Variants in DHRSX observed in about 807,000 individuals in gnomAD.
DHRSX encodes the protein dehydrogenase/reductase X-linked.
DHRSX carries 31 observed loss-of-function variants against 34.0 expected under a neutral mutation model. The ratio of observed to expected loss-of-function variants is 0.91; its 90% CI spans 0.69 to 1.23. The LOEUF (loss-of-function observed/expected upper bound fraction) is 1.23. Ranked by LOEUF, DHRSX falls within the 50% of genes most tolerant of loss-of-function variation. The pLI is 0.00. For missense variants in DHRSX, 414 were observed against 428.1 expected (o/e 0.97, Z 0.29); for synonymous variants, 201 against 183.8 (o/e 1.09, Z -0.76).
At chrX:2,243,366 C>G in intron 5 of DHRSX, 136 bp from the exon 6 acceptor site, 1 of 689,706 alleles carries the variant, frequency 1.4e-6, no homozygotes, top group South Asian at 2.0e-5. Flanking sequence ...TGTGATCATG[C>G]CATCTGTTGG....
At chrX:2,231,611 TCTC>T (rs372862702) in intron 6 of DHRSX, among the ~76,000 whole-genome samples, 120,712 of 144,052 alleles carry the variant, frequency 0.84, 50,951 homozygotes, top group East Asian at 0.94. Context: ...TTTCCCTTAT[TCTC>T]CTTTCCCATC....
chrX:2,409,776 C>A (rs919290244), intron 2 of DHRSX, among the ~76,000 whole-genome samples: 1 of 151,784 alleles, frequency 6.6e-6, no homozygotes, highest in African/African-American at 2.4e-5. Context: ...GTTGCCCAGG[C>A]TGGAGTGCAG....
At chrX:2,241,247 T>C (rs983906625) in intron 6 of DHRSX, among the ~76,000 whole-genome samples, 2 of 152,020 alleles carry the variant, frequency 1.3e-5, no homozygotes, top group African/African-American at 4.8e-5. Flanking sequence ...GCTTAAGAAG[T>C]TAATGCATCA....
chrX:2,330,244 C>T (rs2042448709), intron 3 of DHRSX, among the ~76,000 whole-genome samples: 2 of 150,880 alleles, frequency 1.3e-5, no homozygotes, highest in Non-Finnish European at 3.0e-5. Flanking sequence ...TAGAAGGGGC[C>T]AGGTGCGGTG....
At chrX:2,431,545 T>G (rs2043922956) in intron 1 of DHRSX, among the ~76,000 whole-genome samples, 1 of 152,056 alleles carries the variant, frequency 6.6e-6, no homozygotes, top group Non-Finnish European at 1.5e-5. Flanking sequence ...GAAGACATGG[T>G]GCATCTATAC....
chrX:2,357,609 G>A (rs1369539028), intron 3 of DHRSX, among the ~76,000 whole-genome samples: 1 of 150,590 alleles, frequency 6.6e-6, no homozygotes, highest in African/African-American at 2.4e-5. Context: ...AAGAGCTACA[G>A]AGTCCTGAAT....
intron 4 of DHRSX, among the ~76,000 whole-genome samples, chrX:2,282,434 G>T (rs1245956174): frequency 6.7e-6 from 1 of 149,206 alleles, no homozygotes; most frequent in East Asian, 2.0e-4. Flanking sequence ...GAAGGCAAAG[G>T]AGAGAGGAGG....
intron 3 of DHRSX, among the ~76,000 whole-genome samples, chrX:2,341,129 G>T (rs186388294): frequency 3.4e-4 from 51 of 152,106 alleles, no homozygotes; most frequent in African/African-American, 1.2e-3. Flanking sequence ...TTTCCTCAGA[G>T]GACTGGTTTT....
Position 2,363,613 on chromosome X carries a change from A to AT in DHRSX, c.286+45131dup, listed in dbSNP as rs1465005756. ...CACTGTTCTATGGTATCATGCCTCCATTTTATCACTGTTCTATGGTATCAT... is the reference window on the plus strand; with the variant it reads ...CACTGTTCTATGGTATCATGCCTCCATTTTTATCACTGTTCTATGGTATCAT... On this transcript the variant is annotated intron_variant, in intron 3 of 6. Transcript: ENST00000334651. Among the ~76,000 whole-genome samples the AT allele has an allele frequency of 2.1e-5, 3 of 145,696 alleles. No individual in the cohort carries two copies. The East Asian group carries it at 6.7e-4, about 32-fold the overall frequency.
chrX:2,266,982 G>A (rs1237713314), intron 4 of DHRSX, 35 bp from the exon 5 acceptor site: 3 of 1,604,300 alleles, frequency 1.9e-6, no homozygotes, highest in South Asian at 2.2e-5. Flanking sequence ...GAGTTAGACT[G>A]GGGAAGACAG....
chrX:2,406,744 T>C (rs1757492355), intron 3 of DHRSX, among the ~76,000 whole-genome samples: 1 of 152,150 alleles, frequency 6.6e-6, no homozygotes, highest in East Asian at 1.9e-4. Context: ...CTGGCCAGAA[T>C]GATGATTTCT....
At chrX:2,356,862 A>G (rs2096396989) in intron 3 of DHRSX, among the ~76,000 whole-genome samples, 1 of 152,214 alleles carries the variant, frequency 6.6e-6, no homozygotes, top group Non-Finnish European at 1.5e-5. Context: ...AACATAGAAA[A>G]TATGAATGAG....
At chrX:2,382,809 G>A (rs867410241) in intron 3 of DHRSX, among the ~76,000 whole-genome samples, 3,118 of 22,906 alleles carry the variant, frequency 0.14, 1 homozygote, top group Middle Eastern at 0.27. Flanking sequence ...CACCATCACC[G>A]TCATCACCAC....
intron 1 of DHRSX, among the ~76,000 whole-genome samples, chrX:2,468,127 A>G (rs1042594240): frequency 3.9e-5 from 6 of 152,098 alleles, no homozygotes; most frequent in Non-Finnish European, 7.4e-5. Context: ...TCACACTAGA[A>G]GTCTCTGATG....
In DHRSX at chrX:2,314,458, G is replaced by A. The variant is rs760384363; in HGVS notation, c.287-22855C>T. Among the ~76,000 whole-genome samples the A allele has an allele frequency of 1.6e-3, 169 of 107,738 alleles. 7 individuals carry two copies. Among genetic ancestry groups the A allele is most frequent in the Admixed American group, 5.4e-3 (66 of 12,210 alleles). 70.7% of individuals were successfully genotyped at this position (107,738 alleles called of 152,430 possible). A position where few individuals can be genotyped will look rare whatever the true frequency, so the allele number is the denominator to read the frequency against. ...GGGAGGAAGGAAGGGGAGAAGGGAGGAAGGAAGGGGAGAAGGAAGGAAGGA... is the reference window on the plus strand; with the variant it reads ...GGGAGGAAGGAAGGGGAGAAGGGAGAAAGGAAGGGGAGAAGGAAGGAAGGA... On this transcript the variant is annotated intron_variant, in intron 3 of 6. Transcript: ENST00000334651.
rs187371259 is a variant in DHRSX at position 2,286,830 on chromosome X, T to C, written c.388+4672A>G. ...AGCCTGAGCAACCTCTTGAAAGATG[T>C]AGAACAAAAAGATAAAAGGAAGAAA... On this transcript the variant is annotated intron_variant, in intron 4 of 6. Transcript: ENST00000334651. Among the ~76,000 whole-genome samples the C allele has an allele frequency of 2.5e-3, 381 of 152,188 alleles. 1 individual carries two copies. Among genetic ancestry groups the C allele is most frequent in the African/African-American group, 8.5e-3 (352 of 41,534 alleles).
intron 4 of DHRSX, among the ~76,000 whole-genome samples, chrX:2,290,295 A>G (rs893781860): frequency 1.3e-5 from 2 of 150,954 alleles, no homozygotes; most frequent in Non-Finnish European, 2.9e-5. Context: ...AGACAAAAAG[A>G]AAAAAAAATT....
intron 4 of DHRSX, among the ~76,000 whole-genome samples, chrX:2,275,116 T>C (rs1333531452): frequency 1.3e-5 from 2 of 152,148 alleles, no homozygotes; most frequent in Non-Finnish European, 2.9e-5. Flanking sequence ...AAATTTTCCA[T>C]AATCATGTTT....
intron 5 of DHRSX, among the ~76,000 whole-genome samples, chrX:2,244,874 C>T (rs1007698860): frequency 1.1e-4 from 17 of 151,686 alleles, no homozygotes; most frequent in African/African-American, 2.9e-4. Context: ...ACCTGCCTGG[C>T]TAATTTTTTG....
Sources: gnomAD v4.1 joint callset for allele counts (sites outside exome capture counted in the v4.1 genomes callset) on GRCh38, gnomAD v4.1.1 for gene constraint, MANE v1.5 for transcripts, NCBI Gene and HGNC (gene_info 2026-07-23, HGNC 2026-07-21) for gene names.